Variants in RALGPS1 observed in about 807,000 individuals in gnomAD.
RALGPS1 encodes the protein Ral GEF with PH domain and SH3 binding motif 1, also known as ras-specific guanine nucleotide-releasing factor RalGPS1.
Under a neutral mutation model 78.8 loss-of-function variants are expected in RALGPS1, and 19 were observed. That is an observed-to-expected ratio of 0.24 (90% CI 0.17 to 0.35). RALGPS1 has a LOEUF of 0.35. Ranked by LOEUF, RALGPS1 falls within the 10% of genes least tolerant of loss-of-function variation. The pLI is 1.00. For synonymous variants in RALGPS1, 228 were observed against 256.3 expected, an observed-to-expected ratio of 0.89 and a Z score of 1.06; for missense variants, 454 against 688.3, an observed-to-expected ratio of 0.66 and a Z score of 3.81.
chr9:127,023,667 A>G (rs1026612735), intron 4 of RALGPS1, among the ~76,000 whole-genome samples: 5 of 152,090 alleles, frequency 3.3e-5, no homozygotes, highest in Non-Finnish European at 7.4e-5. Flanking sequence ...TAGCCTTAAC[A>G]GCTCTCCTGT....
At chr9:126,936,849 C>CTTT (rs35671235) in intron 1 of RALGPS1, among the ~76,000 whole-genome samples, 1 of 142,526 alleles carries the variant, frequency 7.0e-6, no homozygotes, top group African/African-American at 2.6e-5. Context: ...GGAACGGCAC[C>CTTT]TTTTTTTTTT....
intron 8 of RALGPS1, among the ~76,000 whole-genome samples, chr9:127,097,117 A>G (rs571420913): frequency 1.3e-5 from 2 of 152,376 alleles, no homozygotes; most frequent in African/African-American, 4.8e-5. Flanking sequence ...AGCCAGCGAA[A>G]AAAATAAAAC....
Position 127,212,680 on chromosome 9 carries a change from C to T in RALGPS1, c.1407C>T (p.Tyr469=). The change falls in exon 16 of 19, where the codon TAC becomes TAT. Residue 469 remains tyrosine (Y), a synonymous_variant. Coordinates refer to ENST00000259351, the MANE Select transcript of RALGPS1 (RefSeq NM_014636.3). The surrounding 1 kb of genome is among the most constrained non-coding windows in gnomAD (Gnocchi z 6.0). ...WVILSGSTLL[Y]YGAKSLRGTD... ...TACTCTCAGGATCCACCCTCCTGTA[C>T]TACGGAGCCAAGTCCTTGCGGGGCA... 2 of 1,613,732 alleles carry T rather than the reference C, an allele frequency of 1.2e-6. No homozygotes were observed. The highest frequency in any genetic ancestry group is 1.7e-6 in the Non-Finnish European group (2 of 1,179,682).
intron 1 of RALGPS1, among the ~76,000 whole-genome samples, chr9:126,952,147 G>A (rs485047): frequency 2.6e-5 from 4 of 152,074 alleles, no homozygotes; most frequent in Non-Finnish European, 5.9e-5. Flanking sequence ...AAGTTCTATC[G>A]CTTGTTCCTA....
At chr9:126,951,645 A>C (rs2037828269) in intron 1 of RALGPS1, among the ~76,000 whole-genome samples, 1 of 152,260 alleles carries the variant, frequency 6.6e-6, no homozygotes, top group African/African-American at 2.4e-5. Flanking sequence ...CTCTCAATAA[A>C]TTAGGTATTG....
chr9:127,127,996 G>C (rs2056745733), intron 8 of RALGPS1, among the ~76,000 whole-genome samples: 1 of 151,930 alleles, frequency 6.6e-6, no homozygotes, highest in African/African-American at 2.4e-5. Flanking sequence ...ATTTACATTA[G>C]GTATTTCTCC....
intron 14 of RALGPS1, chr9:127,210,661 G>A: frequency 4.0e-6 from 6 of 1,491,440 alleles, no homozygotes; most frequent in Non-Finnish European, 5.5e-6. Flanking sequence ...GTCTTTCAAA[G>A]CTGTTGCTAA....
In RALGPS1 at chr9:127,156,407, A is replaced by G. The variant is rs566989251; in HGVS notation, c.611-9662A>G. 2.8e-4 allele frequency among the ~76,000 whole-genome samples: 43 copies of G among 152,312 alleles called. 1 individual carries two copies. In the South Asian group the frequency reaches 2.9e-3, roughly 10 times the overall value. On this transcript the variant is annotated intron_variant, in intron 8 of 18. Transcript: ENST00000259351. ...CAATTTATGCTGTAGTCACTCTTGT[A>G]TAGTGTGACTTTTTCCACACGCTCA...
intron 1 of RALGPS1, among the ~76,000 whole-genome samples, chr9:126,940,682 C>T (rs2036696160): frequency 6.6e-6 from 1 of 152,048 alleles, no homozygotes; most frequent in African/African-American, 2.4e-5. Flanking sequence ...ACCTCGTGAT[C>T]CGTCGAACAG....
At chr9:127,118,739 C>G (rs1432742584) in intron 8 of RALGPS1, among the ~76,000 whole-genome samples, 1 of 152,232 alleles carries the variant, frequency 6.6e-6, no homozygotes. Flanking sequence ...GGGCTGTGGG[C>G]TCTATGAAGC....
intron 11 of RALGPS1, among the ~76,000 whole-genome samples, chr9:127,182,464 C>T (rs556089258): frequency 7.1e-6 from 1 of 141,150 alleles, no homozygotes; most frequent in African/African-American, 2.8e-5. Context: ...GAGTCTCGCT[C>T]TGTCACCCAG....
At chr9:127,157,197 G>A (rs2058748340) in intron 8 of RALGPS1, among the ~76,000 whole-genome samples, 1 of 151,956 alleles carries the variant, frequency 6.6e-6, no homozygotes, top group Non-Finnish European at 1.5e-5. Flanking sequence ...AGTGAACTTT[G>A]GAATCATTTC....
intron 8 of RALGPS1, among the ~76,000 whole-genome samples, chr9:127,104,002 C>A (rs948242119): frequency 2.6e-5 from 4 of 152,162 alleles, no homozygotes; most frequent in African/African-American, 9.7e-5. Context: ...ACCTCAATAT[C>A]CTGCAAGGTA....
intron 14 of RALGPS1, among the ~76,000 whole-genome samples, chr9:127,209,568 C>T (rs1184894222): frequency 1.3e-5 from 2 of 152,126 alleles, no homozygotes; most frequent in Non-Finnish European, 2.9e-5. Flanking sequence ...GGGGTCCAAG[C>T]ACATGCTATG....
intron 4 of RALGPS1, among the ~76,000 whole-genome samples, chr9:127,023,215 G>A (rs1365004999): frequency 1.3e-5 from 2 of 152,140 alleles, no homozygotes; most frequent in Admixed American, 6.5e-5. Flanking sequence ...ATGTCTATTA[G>A]GACTGCAACC....
intron 1 of RALGPS1, among the ~76,000 whole-genome samples, chr9:126,953,714 G>A (rs904224131): frequency 1.3e-5 from 2 of 152,194 alleles, no homozygotes; most frequent in Non-Finnish European, 2.9e-5. Context: ...AGCTCCTAGA[G>A]GCTTGTGCGA....
In RALGPS1 at chr9:127,121,645, CG is replaced by C. The variant is rs141332124; in HGVS notation, c.611-44419del. On this transcript the variant is annotated intron_variant, in intron 8 of 18. Transcript: ENST00000259351. ...ATGTGGAGCCCCTGCTGTCCCCTTG[CG>C]GGGGTACCAGGGAAGCCGCATCCTC... Among the ~76,000 whole-genome samples the C allele has an allele frequency of 5.4e-3, 821 of 152,366 alleles. 23 individuals are homozygous for C. The East Asian group carries it at 0.085, about 16-fold the overall frequency.
chr9:127,056,217 G>C (rs191806453), intron 7 of RALGPS1, among the ~76,000 whole-genome samples: 19 of 152,354 alleles, frequency 1.2e-4, no homozygotes, highest in Admixed American at 1.2e-3. Flanking sequence ...ACATGTCCCT[G>C]TTCCTATTCT....
At chr9:126,950,135 G>A (rs555152512) in intron 1 of RALGPS1, among the ~76,000 whole-genome samples, 227 of 152,276 alleles carry the variant, frequency 1.5e-3, no homozygotes, top group African/African-American at 5.0e-3. Context: ...GATACACGGC[G>A]TTATTTTTGA....
Sources: gnomAD v4.1 joint callset for allele counts (sites outside exome capture counted in the v4.1 genomes callset) on GRCh38, gnomAD v4.1.1 for gene constraint, Gnocchi (gnomAD v3.1) non-coding constraint, MANE v1.5 for transcripts, NCBI Gene and HGNC (gene_info 2026-07-23, HGNC 2026-07-21) for gene names.